The following PTPRD variants were observed in gnomAD, a reference collection of about 807,000 sequenced individuals.
PTPRD encodes protein tyrosine phosphatase receptor type D.
PTPRD carries 34 observed loss-of-function variants against 214.5 expected under a neutral mutation model. The observed-to-expected ratio is 0.16, with a 90% CI of 0.12 to 0.21. The LOEUF is 0.21. Among genes scored for constraint, PTPRD ranks in the 10% least tolerant of loss-of-function variants. The probability of loss-of-function intolerance (pLI) is 1.00; values close to 1 mark genes in which losing one functional copy is unlikely to be tolerated. For synonymous variants in PTPRD, 1,128 were observed against 845.7 expected, an observed-to-expected ratio of 1.33 and a Z score of -5.79; for missense variants, 2,545 against 2,398.7, an observed-to-expected ratio of 1.06 and a Z score of -1.27.
intron 10 of PTPRD, among the ~76,000 whole-genome samples, chr9:9,144,501 C>T (rs1430660788): frequency 2.0e-5 from 3 of 152,098 alleles, no homozygotes; most frequent in African/African-American, 7.2e-5. Flanking sequence ...TGCCTGTAAT[C>T]CTAGTGCTTT....
intron 3 of PTPRD, among the ~76,000 whole-genome samples, chr9:10,251,750 G>A (rs139170215): frequency 4.6e-5 from 7 of 152,092 alleles, no homozygotes; most frequent in African/African-American, 1.4e-4. Context: ...TGCTCATATC[G>A]CAATGTGACC....
intron 11 of PTPRD, among the ~76,000 whole-genome samples, chr9:8,998,368 T>C (rs1303497594): frequency 6.6e-6 from 1 of 152,000 alleles, no homozygotes; most frequent in Non-Finnish European, 1.5e-5. Flanking sequence ...CCCTTAAGAA[T>C]TATGCTAAAT....
At chr9:8,340,752 ACTT>A (rs1851701809) in intron 41 of PTPRD, among the ~76,000 whole-genome samples, 1 of 114,196 alleles carries the variant, frequency 8.8e-6, no homozygotes, top group Admixed American at 1.2e-4. Context: ...CATACAAATT[ACTT>A]AAGAAACACT....
intron 10 of PTPRD, among the ~76,000 whole-genome samples, chr9:9,058,530 C>G (rs1271465393): frequency 8.0e-5 from 11 of 137,390 alleles, no homozygotes; most frequent in Non-Finnish European, 1.2e-4. Flanking sequence ...CTCACTGCAG[C>G]CTCCGCCCCC....
intron 11 of PTPRD, among the ~76,000 whole-genome samples, chr9:8,782,451 CCTAT>C (rs973279776): frequency 2.6e-5 from 4 of 152,232 alleles, no homozygotes; most frequent in East Asian, 1.9e-4. Flanking sequence ...ACTTACTCCT[CCTAT>C]CTAACTGTAA....
At chr9:9,857,238 G>C (rs1181856944) in intron 5 of PTPRD, among the ~76,000 whole-genome samples, 5 of 152,134 alleles carry the variant, frequency 3.3e-5, no homozygotes, top group African/African-American at 7.2e-5. Context: ...TCATGTTTTT[G>C]TCTTTCCCCT....
intron 5 of PTPRD, among the ~76,000 whole-genome samples, chr9:9,879,377 G>A (rs1210128311): frequency 3.3e-5 from 5 of 152,140 alleles, no homozygotes; most frequent in African/African-American, 1.2e-4. Flanking sequence ...CCTCTAGGTA[G>A]AATTGAATCT....
intron 14 of PTPRD, among the ~76,000 whole-genome samples, chr9:8,549,899 C>A (rs552856976): frequency 1.6e-4 from 24 of 152,254 alleles, no homozygotes; most frequent in Non-Finnish European, 2.6e-4. Context: ...CAAGCTCTTT[C>A]ATTTAGCGTA....
chr9:9,517,695 C>T (rs2096870991), intron 8 of PTPRD, among the ~76,000 whole-genome samples: 1 of 151,930 alleles, frequency 6.6e-6, no homozygotes, highest in Non-Finnish European at 1.5e-5. Context: ...CATTGAAAAA[C>T]ATCATTATTT....
At chr9:9,071,990 C>T (rs954151007) in intron 10 of PTPRD, among the ~76,000 whole-genome samples, 1 of 152,124 alleles carries the variant, frequency 6.6e-6, no homozygotes, top group Non-Finnish European at 1.5e-5. Context: ...ACCCCTTCCT[C>T]ATCACTGCAC....
At chr9:9,543,292 G>A (rs79011913) in intron 8 of PTPRD, among the ~76,000 whole-genome samples, 1,956 of 151,692 alleles carry the variant, frequency 0.013, 45 homozygotes, top group African/African-American at 0.044. Flanking sequence ...GTTGCCACTG[G>A]TGGATGTTAG....
intron 9 of PTPRD, among the ~76,000 whole-genome samples, chr9:9,332,540 T>C (rs2042715786): frequency 6.6e-6 from 1 of 150,378 alleles, no homozygotes. Flanking sequence ...TTCATTTATG[T>C]TGGAGATGAA....
intron 7 of PTPRD, among the ~76,000 whole-genome samples, chr9:9,642,343 C>T (rs1457962974): frequency 6.7e-6 from 1 of 149,548 alleles, no homozygotes; most frequent in Admixed American, 6.7e-5. Context: ...TGCAGCGCAC[C>T]AGCATGGCAC....
intron 31 of PTPRD, among the ~76,000 whole-genome samples, chr9:8,467,510 A>T (rs910869292): frequency 2.6e-5 from 4 of 151,898 alleles, no homozygotes; most frequent in African/African-American, 9.7e-5. Flanking sequence ...TCATTTTATA[A>T]ATGAGGAAAC....
chr9:9,148,051 C>A (rs10119225), intron 10 of PTPRD, among the ~76,000 whole-genome samples: 1 of 151,962 alleles, frequency 6.6e-6, no homozygotes, highest in East Asian at 1.9e-4. Flanking sequence ...TAGGTTAATA[C>A]GCATATGGAA....
intron 7 of PTPRD, among the ~76,000 whole-genome samples, chr9:9,580,695 C>G (rs1377196198): frequency 6.6e-6 from 1 of 151,600 alleles, no homozygotes; most frequent in Non-Finnish European, 1.5e-5. Flanking sequence ...ATTACAGGAG[C>G]CTACCACCAT....
chr9:8,861,286 G>A (rs972061560), intron 11 of PTPRD: 1 of 152,120 alleles, frequency 6.6e-6, no homozygotes, highest in Non-Finnish European at 1.5e-5. Context: ...ATCGTGCTAA[G>A]CATGTTAAAG....
intron 5 of PTPRD, among the ~76,000 whole-genome samples, chr9:9,875,669 A>C (rs1234918560): frequency 1.3e-5 from 2 of 152,282 alleles, no homozygotes; most frequent in East Asian, 3.9e-4. Context: ...CCTAGTACTT[A>C]GTAATAACGT....
chr9:10,051,586 G>A (rs1033059096), intron 3 of PTPRD, among the ~76,000 whole-genome samples: 2 of 151,754 alleles, frequency 1.3e-5, no homozygotes, highest in African/African-American at 4.8e-5. Flanking sequence ...ATCTCCTAAT[G>A]CTATCCCTCC....
Sources: gnomAD v4.1 joint callset for allele counts (sites outside exome capture counted in the v4.1 genomes callset) on GRCh38, gnomAD v4.1.1 for gene constraint, MANE v1.5 for transcripts, NCBI Gene and HGNC (gene_info 2026-07-23, HGNC 2026-07-21) for gene names.